Variants in KAZN observed in about 807,000 individuals in gnomAD.
The protein encoded by KAZN is kazrin.
In KAZN, 40 loss-of-function variants were observed where a neutral mutation model predicts 87.4. The observed-to-expected ratio is 0.46, with a 90% CI of 0.36 to 0.60. The LOEUF (loss-of-function observed/expected upper bound fraction) is 0.60. Among genes scored for constraint, KAZN ranks in the 20% least tolerant of loss-of-function variants. The pLI is 0.00. For synonymous variants in KAZN, 466 were observed against 458.3 expected, an observed-to-expected ratio of 1.02 and a Z score of -0.22; for missense variants, 898 against 1,073.9, an observed-to-expected ratio of 0.84 and a Z score of 2.29.
intron 1 of KAZN, among the ~76,000 whole-genome samples, chr1:14,911,733 G>A (rs1657272693): frequency 6.6e-6 from 1 of 152,162 alleles, no homozygotes; most frequent in Admixed American, 6.5e-5. Context: ...GGAATCCCTA[G>A]GACAGTTTCC....
intron 2 of KAZN, among the ~76,000 whole-genome samples, chr1:14,994,774 G>C (rs938645018): frequency 6.6e-6 from 1 of 152,228 alleles, no homozygotes; most frequent in African/African-American, 2.4e-5. Flanking sequence ...GCCCCTCTGA[G>C]ACTCCGTGTA....
At chr1:14,347,181 T>C (rs767414896) in intron 2 of KAZN, among the ~76,000 whole-genome samples, 36 of 152,226 alleles carry the variant, frequency 2.4e-4, no homozygotes, top group Non-Finnish European at 4.6e-4. Context: ...AGGGCTATTA[T>C]TCAAGGATGG....
chr1:14,535,478 C>T (rs1309620602), intron 2 of KAZN, among the ~76,000 whole-genome samples: 1 of 152,094 alleles, frequency 6.6e-6, no homozygotes, highest in Admixed American at 6.6e-5. Context: ...CCATCCTGGC[C>T]AACATGGTGA....
intron 1 of KAZN, among the ~76,000 whole-genome samples, chr1:14,831,582 T>C (rs1647050439): frequency 1.3e-5 from 2 of 152,242 alleles, no homozygotes; most frequent in African/African-American, 4.8e-5. Flanking sequence ...AAGGCATTGA[T>C]TTATTCCATC....
At chr1:14,069,770 C>T (rs774289396) in intron 1 of KAZN, among the ~76,000 whole-genome samples, 4 of 152,186 alleles carry the variant, frequency 2.6e-5, no homozygotes, top group Non-Finnish European at 5.9e-5. Context: ...GTTTTGTTAT[C>T]ACTGGATGTT....
intron 2 of KAZN, among the ~76,000 whole-genome samples, chr1:14,392,195 G>A (rs1369613967): frequency 6.6e-6 from 1 of 152,198 alleles, no homozygotes; most frequent in Non-Finnish European, 1.5e-5. Context: ...GAGGCTTCCA[G>A]AGAAGACCAC....
chr1:14,459,171 A>G (rs543934049), intron 2 of KAZN, among the ~76,000 whole-genome samples: 1 of 152,176 alleles, frequency 6.6e-6, no homozygotes, highest in African/African-American at 2.4e-5. Flanking sequence ...GGGTATCTTC[A>G]TATACTTTGC....
intron 1 of KAZN, among the ~76,000 whole-genome samples, chr1:14,839,001 C>T (rs1647617586): frequency 6.6e-6 from 1 of 152,126 alleles, no homozygotes; most frequent in Non-Finnish European, 1.5e-5. Flanking sequence ...CAGCCCATGC[C>T]CCCATAATCA....
At position 14,695,779 on chromosome 1, in the gene KAZN, C is replaced by T. The variant is rs550402998; in HGVS notation, c.226+96556C>T. ...TTGGCCTCCCAAAGTGCTGGGATTA[C>T]AGGCATGAGCCACCGTGCCCGGCCT... is the stretch of plus-strand genomic sequence containing the variant. On this transcript the variant is annotated intron_variant, in intron 1 of 14. Transcript: ENST00000376030. Among the ~76,000 whole-genome samples the T allele has an allele frequency of 6.7e-4, 102 of 152,098 alleles. 1 individual carries two copies. The highest frequency in any genetic ancestry group is 1.2e-3 in the East Asian group (6 of 5,138).
At chr1:15,027,825 GTTGTTTGT>G (rs75138304) in intron 2 of KAZN, among the ~76,000 whole-genome samples, 17 of 151,964 alleles carry the variant, frequency 1.1e-4, no homozygotes, top group African/African-American at 4.1e-4. Context: ...GCCCACAGTG[GTTGTTTGT>G]TTGTTTGTTT....
At chr1:14,615,580 C>T (rs1377392189) in intron 1 of KAZN, among the ~76,000 whole-genome samples, 2 of 151,312 alleles carry the variant, frequency 1.3e-5, no homozygotes, top group African/African-American at 2.4e-5. Context: ...GAGCCAAGAT[C>T]GTGCCACTGC....
At chr1:14,372,733 T>C (rs570397022) in intron 2 of KAZN, among the ~76,000 whole-genome samples, 22 of 152,314 alleles carry the variant, frequency 1.4e-4, no homozygotes, top group Admixed American at 5.9e-4. Flanking sequence ...CTGTGATTCA[T>C]TGTTGATTAC....
intron 2 of KAZN, among the ~76,000 whole-genome samples, chr1:14,517,504 G>A (rs1438902995): frequency 6.6e-6 from 1 of 152,126 alleles, no homozygotes; most frequent in African/African-American, 2.4e-5. Flanking sequence ...CCAACCAAAA[G>A]GTTAATGCAG....
At chr1:13,966,689 T>G (rs1213119655) in intron 1 of KAZN, among the ~76,000 whole-genome samples, 2 of 152,164 alleles carry the variant, frequency 1.3e-5, no homozygotes, top group African/African-American at 4.8e-5. Flanking sequence ...CTATCTGAGT[T>G]GAGATGTGCC....
chr1:14,187,366 C>T (rs890445751), intron 2 of KAZN, among the ~76,000 whole-genome samples: 104 of 152,180 alleles, frequency 6.8e-4, no homozygotes, highest in African/African-American at 2.5e-3. Context: ...ACTACCCTCT[C>T]AGACTCCTAG....
intron 1 of KAZN, among the ~76,000 whole-genome samples, chr1:14,079,722 T>G (rs569165032): frequency 1.3e-5 from 2 of 152,232 alleles, no homozygotes; most frequent in Non-Finnish European, 2.9e-5. Context: ...TGGGTACAGC[T>G]GCAAGTGCTG....
At chr1:14,448,881 G>T (rs562117019) in intron 2 of KAZN, among the ~76,000 whole-genome samples, 9 of 152,302 alleles carry the variant, frequency 5.9e-5, no homozygotes, top group African/African-American at 2.2e-4. Flanking sequence ...TCATGCTTCT[G>T]CCTCCTGTCA....
At chr1:14,420,474 C>G (rs887504553) in intron 2 of KAZN, among the ~76,000 whole-genome samples, 3 of 152,200 alleles carry the variant, frequency 2.0e-5, no homozygotes, top group Non-Finnish European at 4.4e-5. Context: ...CCGCAAGTCC[C>G]GCACCATGCA....
At chr1:14,477,429 T>TCTCTCTCTCTCTCTCCCC (rs1668807251) in intron 2 of KAZN, among the ~76,000 whole-genome samples, 1 of 150,570 alleles carries the variant, frequency 6.6e-6, no homozygotes, top group Non-Finnish European at 1.5e-5. Flanking sequence ...TCATTCCCTC[T>TCTCTCTCTCTCTCTCCCC]CTCTCTCTCT....
Sources: gnomAD v4.1 joint callset for allele counts (sites outside exome capture counted in the v4.1 genomes callset) on GRCh38, gnomAD v4.1.1 for gene constraint, MANE v1.5 for transcripts, NCBI Gene and HGNC (gene_info 2026-07-23, HGNC 2026-07-21) for gene names.